The following RELCH variants were observed in gnomAD, a reference collection of about 807,000 sequenced individuals.
RELCH encodes the protein RAB11 binding and LisH domain, coiled-coil and HEAT repeat containing, also known as RAB11-binding protein RELCH.
Under a neutral mutation model 150.3 loss-of-function variants are expected in RELCH, and 41 were observed. That is an observed-to-expected ratio of 0.27 (90% confidence interval 0.21 to 0.35). The LOEUF (loss-of-function observed/expected upper bound fraction) is 0.35. Ranked by LOEUF, RELCH falls within the 10% of genes least tolerant of loss-of-function variation. RELCH has a pLI of 1.00. For missense variants in RELCH, 1,092 were observed against 1,467.8 expected, an observed-to-expected ratio of 0.74 and a Z score of 4.18; for synonymous variants, 478 against 531.8, an observed-to-expected ratio of 0.90 and a Z score of 1.39.
At chr18:62,253,545 C>A (rs919353770) in intron 12 of RELCH, among the ~76,000 whole-genome samples, 7 of 151,976 alleles carry the variant, frequency 4.6e-5, no homozygotes, top group African/African-American at 1.5e-4. Context: ...AGATGTGTTT[C>A]CTGCTTATGG....
intron 28 of RELCH, chr18:62,300,610 G>A (rs2045621503): frequency 6.6e-6 from 1 of 152,212 alleles, no homozygotes; most frequent in African/African-American, 2.4e-5. Context: ...CAAAGAGCCT[G>A]TGGTTAAAAG....
chr18:62,258,796 T>G (rs1249421937), intron 15 of RELCH, 120 bp downstream of exon 15: 1 of 589,688 alleles, frequency 1.7e-6, no homozygotes, highest in Non-Finnish European at 2.8e-6. Context: ...ACTAATACAT[T>G]ACCAGTTAAA....
intron 28 of RELCH, among the ~76,000 whole-genome samples, chr18:62,303,287 A>G (rs2045747149): frequency 6.6e-6 from 1 of 152,162 alleles, no homozygotes; most frequent in Non-Finnish European, 1.5e-5. Flanking sequence ...CCAGGTGACT[A>G]TGATGTGTAT....
chr18:62,277,034 TC>T (rs1194201312), intron 22 of RELCH, among the ~76,000 whole-genome samples: 4 of 152,132 alleles, frequency 2.6e-5, no homozygotes, highest in African/African-American at 9.6e-5. Flanking sequence ...ATGATTTTAT[TC>T]TAAGCTCATA....
At chr18:62,208,245 A>G (rs942184094) in intron 1 of RELCH, among the ~76,000 whole-genome samples, 4 of 151,880 alleles carry the variant, frequency 2.6e-5, no homozygotes, top group African/African-American at 4.8e-5. Flanking sequence ...TTATTGAGTT[A>G]TAAGAATTCT....
intron 1 of RELCH, among the ~76,000 whole-genome samples, 163 bp downstream of exon 1, chr18:62,188,194 G>C (rs906634239): frequency 1.3e-5 from 2 of 152,152 alleles, no homozygotes; most frequent in Non-Finnish European, 2.9e-5. Flanking sequence ...AGAGGATCAG[G>C]CAATGACTGT....
chr18:62,221,218 G>A lies in RELCH; in HGVS notation c.689-1G>A, dbSNP rs1364391492. The A allele has an allele frequency of 6.2e-7, 1 of 1,609,396 alleles. No individual in the cohort carries two copies. On this transcript the variant is annotated splice_acceptor_variant, in intron 3 of 28. Coordinates refer to ENST00000644646, the MANE Select transcript of RELCH (RefSeq NM_001346231.2). LOFTEE classifies it high-confidence loss of function. The stretch of plus-strand genomic sequence containing the variant: ...ATAGTACTTATGTTTTTTTCCACCA[G>A]AACATGAAGTTCCTTTACAGGAACG...
chr18:62,232,908 T>C (rs1367968801), intron 10 of RELCH, among the ~76,000 whole-genome samples: 2 of 152,072 alleles, frequency 1.3e-5, no homozygotes, highest in African/African-American at 4.8e-5. Context: ...ATTATGCTTG[T>C]TTGGCAATAA....
intron 27 of RELCH, among the ~76,000 whole-genome samples, chr18:62,294,841 A>G (rs1370096002): frequency 6.6e-6 from 1 of 152,168 alleles, no homozygotes; most frequent in Non-Finnish European, 1.5e-5. Flanking sequence ...TATATGGACA[A>G]TCTGTTATTT....
At chr18:62,223,993 A>T (rs907183708) in intron 5 of RELCH, among the ~76,000 whole-genome samples, 1 of 152,078 alleles carries the variant, frequency 6.6e-6, no homozygotes, top group Non-Finnish European at 1.5e-5. Context: ...TTATACTTTA[A>T]GTTCTAGGGT....
intron 20 of RELCH, among the ~76,000 whole-genome samples, chr18:62,273,006 A>G (rs1184428371): frequency 6.6e-6 from 1 of 151,064 alleles, no homozygotes; most frequent in Non-Finnish European, 1.5e-5. Flanking sequence ...CCTTATCTCT[A>G]CTTCATTCTT....
At chr18:62,250,502 T>A (rs982103201) in intron 11 of RELCH, among the ~76,000 whole-genome samples, 1 of 152,252 alleles carries the variant, frequency 6.6e-6, no homozygotes, top group Non-Finnish European at 1.5e-5. Context: ...AATATCTTTT[T>A]CCATTTTCCT....
At chr18:62,255,321 C>T in intron 12 of RELCH, 86 bp from the exon 13 acceptor site, 1 of 920,970 alleles carries the variant, frequency 1.1e-6, no homozygotes, top group South Asian at 1.3e-5. Context: ...GCATTCTTAA[C>T]AGGATTTGTG....
intron 8 of RELCH, among the ~76,000 whole-genome samples, chr18:62,229,826 G>A (rs1271742161): frequency 6.6e-6 from 1 of 151,956 alleles, no homozygotes; most frequent in African/African-American, 2.4e-5. Flanking sequence ...AACAAAGAAG[G>A]GTTTAGTGAG....
At chr18:62,272,859 A>T (rs1394556040) in intron 20 of RELCH, among the ~76,000 whole-genome samples, 2 of 152,002 alleles carry the variant, frequency 1.3e-5, no homozygotes. Flanking sequence ...TCTATTTTAT[A>T]TTTGAAATAG....
rs141826703 is a variant in RELCH at position 62,201,118 on chromosome 18, C to T, written c.527-10035C>T. On this transcript the variant is annotated intron_variant, in intron 1 of 28. Coordinates refer to ENST00000644646, the MANE Select transcript of RELCH (RefSeq NM_001346231.2). ...CCTCCCAAGTAGCTGGGTCTACAGG[C>T]GCATGCCACCATGCCCAGCTAATTT... Among the ~76,000 whole-genome samples, 317 of 151,530 alleles carry T rather than the reference C, an allele frequency of 2.1e-3. 9 individuals are homozygous for T. The East Asian group carries it at 0.052, about 25-fold the overall frequency.
chr18:62,232,478 T>C (rs1480355429), intron 10 of RELCH, 51 bp downstream of exon 10: 2 of 1,077,396 alleles, frequency 1.9e-6, no homozygotes, highest in Admixed American at 1.8e-5. Context: ...ATGTTGTCCA[T>C]TTTTTGTCAT....
In RELCH at chr18:62,244,817, G is replaced by A; in HGVS notation, c.1674G>A (p.Glu558=). The stretch of plus-strand genomic sequence containing the variant: ...CATGTCTACATCCTGAGCCTAAAGA[G>A]CGAGATCAGCTTCTCCACATACTTT... ...CTACLHPEPK[E]RDQLLHILFN... is the part of the protein sequence containing the mutation. The change falls in exon 11 of 29, where the codon GAG becomes GAA. Residue 558 remains glutamate (E), a synonymous_variant. Transcript: ENST00000644646. 6.2e-7 allele frequency: 1 copy of A among 1,613,654 alleles called. No individual in the cohort carries two copies. Among genetic ancestry groups the A allele is most frequent in the African/African-American group, 1.3e-5 (1 of 75,022 alleles).
chr18:62,285,821 T>C (rs2044761225), intron 25 of RELCH: 3 of 152,192 alleles, frequency 2.0e-5, no homozygotes, highest in African/African-American at 7.2e-5. Flanking sequence ...CATCTCCTGG[T>C]CCTTCATCTC....
Sources: allele counts gnomAD v4.1 joint callset (sites outside exome capture counted in the v4.1 genomes callset), GRCh38; gene constraint gnomAD v4.1.1; transcripts MANE v1.5; gene names NCBI Gene and HGNC (gene_info 2026-07-23, HGNC 2026-07-21).